The following TCF12 variants were observed in gnomAD, a reference collection of about 807,000 sequenced individuals.
TCF12 encodes transcription factor 12.
Under a neutral mutation model 86.0 loss-of-function variants are expected in TCF12, and 45 were observed. The observed-to-expected ratio is 0.52, with a 90% confidence interval of 0.41 to 0.67. The LOEUF (loss-of-function observed/expected upper bound fraction) is 0.67. Ranked by LOEUF, TCF12 falls within the 30% of genes least tolerant of loss-of-function variation. The probability of loss-of-function intolerance (pLI) is 0.00; values close to 1 mark genes in which losing one functional copy is unlikely to be tolerated. For missense variants in TCF12, 881 were observed against 859.9 expected, an observed-to-expected ratio of 1.02 and a Z score of -0.31; for synonymous variants, 330 against 299.6, an observed-to-expected ratio of 1.10 and a Z score of -1.05.
At chr15:57,023,592 G>A (rs1183625380) in intron 3 of TCF12, among the ~76,000 whole-genome samples, 6 of 152,070 alleles carry the variant, frequency 3.9e-5, no homozygotes, top group Non-Finnish European at 8.8e-5. Context: ...TAAGCAGATT[G>A]GATTCATAAA....
intron 9 of TCF12, among the ~76,000 whole-genome samples, chr15:57,231,502 G>T (rs1258265486): frequency 1.3e-5 from 2 of 152,098 alleles, no homozygotes; most frequent in African/African-American, 4.8e-5. Context: ...GTCTTAAATT[G>T]AGAAAAATTA....
intron 8 of TCF12, among the ~76,000 whole-genome samples, chr15:57,198,470 G>A (rs757841813): frequency 2.0e-4 from 30 of 152,140 alleles, no homozygotes; most frequent in Non-Finnish European, 3.7e-4. Flanking sequence ...GAAGAAGGTT[G>A]GAAAGGTTTG....
At chr15:57,086,639 G>T (rs565376132) in intron 4 of TCF12, among the ~76,000 whole-genome samples, 6 of 143,376 alleles carry the variant, frequency 4.2e-5, no homozygotes, top group Non-Finnish European at 9.0e-5. Context: ...ATTTGGTCTT[G>T]TTAGGGTCCA....
intron 6 of TCF12, among the ~76,000 whole-genome samples, chr15:57,189,495 T>C (rs1241238144): frequency 1.3e-5 from 2 of 152,186 alleles, no homozygotes; most frequent in Non-Finnish European, 2.9e-5. Context: ...ATGCCCAATA[T>C]CATTAGTCAT....
intron 3 of TCF12, 28 bp downstream of exon 3, chr15:56,921,126 C>T (rs778495661): frequency 1.9e-6 from 3 of 1,552,046 alleles, no homozygotes; most frequent in Admixed American, 1.8e-5. Flanking sequence ...ACTAAAGACT[C>T]ATATTTTGGT....
intron 3 of TCF12, among the ~76,000 whole-genome samples, chr15:57,038,444 T>C (rs1336275610): frequency 2.7e-5 from 1 of 37,116 alleles, no homozygotes; most frequent in Non-Finnish European, 5.0e-5. Context: ...AAGGTGGGGG[T>C]GGTGGAGAGA....
chr15:56,949,731 G>A (rs1186547367), intron 3 of TCF12, among the ~76,000 whole-genome samples: 1 of 152,202 alleles, frequency 6.6e-6, no homozygotes, highest in Non-Finnish European at 1.5e-5. Flanking sequence ...TTCTGGAAGA[G>A]CTAATTTGTT....
intron 5 of TCF12, among the ~76,000 whole-genome samples, chr15:57,156,918 G>C (rs2054150414): frequency 6.6e-6 from 1 of 152,342 alleles, no homozygotes; most frequent in East Asian, 1.9e-4. Flanking sequence ...TTGATACAAG[G>C]ATTTGGTGGA....
At chr15:57,268,391 G>A (rs2060967068) in intron 18 of TCF12, among the ~76,000 whole-genome samples, 1 of 152,124 alleles carries the variant, frequency 6.6e-6, no homozygotes, top group Non-Finnish European at 1.5e-5. Context: ...ATGATTAGCA[G>A]GTTAAATATT....
At chr15:57,067,322 C>A (rs185696525) in intron 4 of TCF12, among the ~76,000 whole-genome samples, 2 of 151,842 alleles carry the variant, frequency 1.3e-5, no homozygotes, top group Non-Finnish European at 2.9e-5. Context: ...GGGCGGATCA[C>A]GAGGTCAGGA....
rs2048609191 is a variant in TCF12, at chr15:57,086,163, C to G, written c.223-5626C>G. Among the ~76,000 whole-genome samples, 2 of 148,624 alleles carry G rather than the reference C, an allele frequency of 1.3e-5. 1 individual carries two copies. The highest frequency in any genetic ancestry group is 4.3e-4 in the South Asian group (2 of 4,686). The stretch of plus-strand genomic sequence containing the variant: ...GGGGAAAAAGAAAAAAAATAGGGTC[C>G]CTGTGCTCTCAGAATTTGTAAGACA... On this transcript the variant is annotated intron_variant, in intron 4 of 20. Transcript: ENST00000333725.
chr15:56,932,063 G>T (rs781647382), intron 3 of TCF12, among the ~76,000 whole-genome samples: 7 of 152,154 alleles, frequency 4.6e-5, no homozygotes, highest in Non-Finnish European at 1.0e-4. Context: ...TAGGAACAGT[G>T]CCTGTAGCGA....
intron 11 of TCF12, among the ~76,000 whole-genome samples, chr15:57,233,248 C>T (rs2059239284): frequency 6.6e-6 from 1 of 152,014 alleles, no homozygotes; most frequent in Admixed American, 6.5e-5. Context: ...TCATGGCTCA[C>T]TGCAGCCTCA....
intron 5 of TCF12, among the ~76,000 whole-genome samples, chr15:57,145,893 T>C (rs545471021): frequency 6.6e-6 from 1 of 152,224 alleles, no homozygotes; most frequent in South Asian, 2.1e-4. Flanking sequence ...TTATTGCTTA[T>C]AAGAATCATC....
chr15:57,063,737 C>A lies in TCF12; in HGVS notation c.149-13C>A. ...TGTTTTTAGATATATCTTTTATTTTCTTCTCTTTTTAGGTATTGATGAAAG... is the reference window on the plus strand; with the variant it reads ...TGTTTTTAGATATATCTTTTATTTTATTCTCTTTTTAGGTATTGATGAAAG... On this transcript the variant is annotated splice_polypyrimidine_tract_variant and intron_variant, in intron 3 of 20. Transcript: ENST00000333725. 6.3e-7 allele frequency: 1 copy of A among 1,588,752 alleles called. No individual in the cohort carries two copies. Among genetic ancestry groups the A allele is most frequent in the South Asian group, 1.1e-5 (1 of 88,088 alleles).
intron 3 of TCF12, among the ~76,000 whole-genome samples, chr15:57,029,663 A>G (rs2066027259): frequency 1.3e-5 from 2 of 152,158 alleles, no homozygotes; most frequent in Admixed American, 6.6e-5. Context: ...AGCTCTGTGT[A>G]ACGCATACCA....
intron 3 of TCF12, among the ~76,000 whole-genome samples, chr15:57,063,034 A>T (rs1480012912): frequency 6.6e-6 from 1 of 152,210 alleles, no homozygotes; most frequent in Non-Finnish European, 1.5e-5. Flanking sequence ...GTGTCAGAAG[A>T]TGCATTAAGG....
intron 3 of TCF12, among the ~76,000 whole-genome samples, chr15:56,968,154 G>T (rs572668023): frequency 6.6e-6 from 1 of 151,894 alleles, no homozygotes; most frequent in Non-Finnish European, 1.5e-5. Flanking sequence ...ATGGGATTTT[G>T]CCATGTTTGC....
intron 3 of TCF12, among the ~76,000 whole-genome samples, chr15:56,997,962 G>T (rs1280407251): frequency 6.6e-6 from 1 of 152,140 alleles, no homozygotes; most frequent in East Asian, 1.9e-4. Context: ...CCCAAATAAA[G>T]AGGAACATTA....
Sources: gnomAD v4.1 joint callset for allele counts (sites outside exome capture counted in the v4.1 genomes callset) on GRCh38, gnomAD v4.1.1 for gene constraint, MANE v1.5 for transcripts, NCBI Gene and HGNC (gene_info 2026-07-23, HGNC 2026-07-21) for gene names.